The following AGMO variants were observed in gnomAD, a reference collection of about 807,000 sequenced individuals.
AGMO encodes glyceryl-ether monooxygenase.
Under a neutral mutation model 60.2 loss-of-function variants are expected in AGMO, and 75 were observed. That is an observed-to-expected ratio of 1.25 (90% CI 1.03 to 1.51). The LOEUF (loss-of-function observed/expected upper bound fraction) is 1.51. Among genes scored for constraint, AGMO ranks in the 40% most tolerant of loss-of-function variants. The pLI is 0.00. For missense variants in AGMO, 763 were observed against 525.5 expected (o/e 1.45, Z -4.42); for synonymous variants, 261 against 177.1 (o/e 1.47, Z -3.76).
chr7:15,297,277 G>C (rs1784431760), intron 12 of AGMO, among the ~76,000 whole-genome samples: 1 of 152,148 alleles, frequency 6.6e-6, no homozygotes, highest in African/African-American at 2.4e-5. Context: ...AAAATGTAGA[G>C]CAGTGAAAAT....
At chr7:15,348,028 CTG>C (rs1782096449) in intron 12 of AGMO, among the ~76,000 whole-genome samples, 1 of 152,010 alleles carries the variant, frequency 6.6e-6, no homozygotes. Flanking sequence ...CTGAAGTTAA[CTG>C]TTACTTTTTG....
rs556936144 is a variant in AGMO, at chr7:15,364,775, C to T, written c.1263+739G>A. ...GTATATACTGGGTTTTTCACTGATGCTAAGAGCGGGGGATATTAGTATTTA... is the reference window on the plus strand; with the variant it reads ...GTATATACTGGGTTTTTCACTGATGTTAAGAGCGGGGGATATTAGTATTTA... On this transcript the variant is annotated intron_variant, in intron 12 of 12. Transcript: ENST00000342526. Among the ~76,000 whole-genome samples the T allele has an allele frequency of 9.9e-5, 15 of 151,930 alleles. 1 individual carries two copies. The highest frequency in any genetic ancestry group is 7.9e-4 in the Admixed American group (12 of 15,232).
intron 3 of AGMO, among the ~76,000 whole-genome samples, chr7:15,448,493 T>G (rs990947746): frequency 2.6e-4 from 40 of 152,338 alleles, no homozygotes; most frequent in Admixed American, 2.4e-3. Flanking sequence ...TATGGAATTT[T>G]GTTATAGTAG....
intron 10 of AGMO, among the ~76,000 whole-genome samples, chr7:15,367,126 T>A (rs1225679294): frequency 6.6e-6 from 1 of 152,050 alleles, no homozygotes; most frequent in African/African-American, 2.4e-5. Context: ...GTCAAAGGAC[T>A]TTCCTTTAAA....
At chr7:15,365,462 A>G (rs981524896) in intron 12 of AGMO, 52 bp downstream of exon 12, 3 of 1,166,306 alleles carry the variant, frequency 2.6e-6, no homozygotes, top group African/African-American at 1.6e-5. Flanking sequence ...TGAATAAATT[A>G]AATGTGCGAT....
At position 15,531,454 on chromosome 7, in the gene AGMO, CTA is replaced by C. The variant is rs1491104507; in HGVS notation, c.409+13316_409+13317del. Among the ~76,000 whole-genome samples, 154 of 15,954 alleles carry C rather than the reference CTA, an allele frequency of 9.7e-3. 25 individuals are homozygous for C. The highest frequency in any genetic ancestry group is 0.057 in the African/African-American group (151 of 2,632). The allele number at this position is 15,954 out of a possible 152,430, so 10.5% of individuals were successfully genotyped here. A position where few individuals can be genotyped will look rare whatever the true frequency, so the allele number is the denominator to read the frequency against. On this transcript the variant is annotated intron_variant, in intron 3 of 12. Transcript: ENST00000342526. ...TATATATATATTCTATATATATTCT[CTA>C]TATATATTCTATATATATTCTCTAT...
At chr7:15,387,698 G>A (rs1266051228) in intron 8 of AGMO, among the ~76,000 whole-genome samples, 158 bp from the exon 9 acceptor site, 1 of 152,130 alleles carries the variant, frequency 6.6e-6, no homozygotes, top group African/African-American at 2.4e-5. Context: ...ATTCCATGCT[G>A]TAATCTATTC....
intron 4 of AGMO, among the ~76,000 whole-genome samples, chr7:15,421,400 T>C (rs1223547192): frequency 6.6e-6 from 1 of 152,100 alleles, no homozygotes; most frequent in Non-Finnish European, 1.5e-5. Flanking sequence ...AGCTTGGGCA[T>C]AAGGAAACAA....
the AGMO span, among the ~76,000 whole-genome samples, chr7:15,177,934 G>A: frequency 1.3e-5 from 2 of 152,006 alleles, no homozygotes; most frequent in South Asian, 4.1e-4. Flanking sequence ...AATAAAAAAT[G>A]TTTGGGACAC....
At chr7:15,376,987 G>C (rs535186563) in intron 10 of AGMO, among the ~76,000 whole-genome samples, 1 of 152,122 alleles carries the variant, frequency 6.6e-6, no homozygotes, top group South Asian at 2.1e-4. Context: ...CATAAAACAA[G>C]TAAGTATTTA....
At chr7:15,229,740 AAT>A (rs566803053) in intron 12 of AGMO, among the ~76,000 whole-genome samples, 2 of 147,200 alleles carry the variant, frequency 1.4e-5, no homozygotes, top group Admixed American at 1.4e-4. Context: ...TATATATTAT[AAT>A]ATATATAAAT....
Position 15,358,333 on chromosome 7 carries a change from C to T in AGMO, c.1263+7181G>A, listed in dbSNP as rs537440047. 13 of 448,020 alleles carry T rather than the reference C, an allele frequency of 2.9e-5. No homozygotes were observed. In the East Asian group the frequency reaches 9.3e-4, roughly 32 times the overall value. The allele number at this position is 448,020 out of a possible 1,614,324, so 27.8% of individuals were successfully genotyped here. A position where few individuals can be genotyped will look rare whatever the true frequency, so the allele number is the denominator to read the frequency against. The stretch of plus-strand genomic sequence containing the variant: ...AATGGCTGAGGCAGCAAATTGTTAA[C>T]CTTGGGTTAATGCTTTTTCAAAAGA... On this transcript the variant is annotated intron_variant, in intron 12 of 12. Coordinates refer to ENST00000342526, the MANE Select transcript of AGMO (RefSeq NM_001004320.2).
At chr7:15,521,171 C>G (rs948871256) in intron 3 of AGMO, among the ~76,000 whole-genome samples, 2 of 152,088 alleles carry the variant, frequency 1.3e-5, no homozygotes, top group Admixed American at 1.3e-4. Flanking sequence ...CTGAATAGAC[C>G]AATAACCAGT....
At position 15,553,245 on chromosome 7, in the gene AGMO, G is replaced by A. The variant is rs942532612; in HGVS notation, c.257+6896C>T. 1.1e-3 allele frequency among the ~76,000 whole-genome samples: 171 copies of A among 150,550 alleles called. 1 individual carries two copies. Among genetic ancestry groups the A allele is most frequent in the Non-Finnish European group, 1.5e-3 (103 of 67,858 alleles). On this transcript the variant is annotated intron_variant, in intron 2 of 12. Transcript: ENST00000342526. Reference sequence around the variant, plus strand: ...TAGATGACGAGTTAGTGGGTGCAGCGCACCAGCATGGCACATGTATACATA... The same window carrying A: ...TAGATGACGAGTTAGTGGGTGCAGCACACCAGCATGGCACATGTATACATA...
At chr7:15,434,672 G>A (rs1781349149) in intron 3 of AGMO, among the ~76,000 whole-genome samples, 2 of 152,100 alleles carry the variant, frequency 1.3e-5, no homozygotes. Context: ...CAATGACACT[G>A]CAGTTTGCAA....
chr7:15,382,804 ATATCT>A (rs1783747262), intron 10 of AGMO, among the ~76,000 whole-genome samples: 1 of 152,168 alleles, frequency 6.6e-6, no homozygotes, highest in African/African-American at 2.4e-5. Context: ...CCTACCATAG[ATATCT>A]TAATTAAGAT....
intron 12 of AGMO, among the ~76,000 whole-genome samples, chr7:15,272,867 T>G (rs1783659494): frequency 6.6e-6 from 1 of 152,200 alleles, no homozygotes; most frequent in Admixed American, 6.5e-5. Context: ...GGTTTTGATT[T>G]GCATTTCTCT....
intron 10 of AGMO, among the ~76,000 whole-genome samples, chr7:15,383,893 G>A (rs1258208081): frequency 6.6e-6 from 1 of 151,414 alleles, no homozygotes; most frequent in Non-Finnish European, 1.5e-5. Flanking sequence ...TTTATGTATT[G>A]ACTTTAGCAC....
rs201009422 is a variant in AGMO at position 15,477,145 on chromosome 7, A to G, written c.410-46037T>C. ...TTTAGAACATTCTTTTTTTTTACAA[A>G]GAGAACTTCTCAAAATTGCTCTACG... On this transcript the variant is annotated intron_variant, in intron 3 of 12. Transcript: ENST00000342526. Among the ~76,000 whole-genome samples the G allele has an allele frequency of 4.6e-5, 7 of 152,180 alleles. No homozygotes were observed. The East Asian group carries it at 1.4e-3, about 29-fold the overall frequency.
Sources: gnomAD v4.1 joint callset for allele counts (sites outside exome capture counted in the v4.1 genomes callset) on GRCh38, gnomAD v4.1.1 for gene constraint, MANE v1.5 for transcripts, NCBI Gene and HGNC (gene_info 2026-07-23, HGNC 2026-07-21) for gene names.